The following NPAS3 variants were observed in gnomAD, a reference collection of about 807,000 sequenced individuals.
The protein encoded by NPAS3 is neuronal PAS domain protein 3.
A neutral mutation model predicts 73.1 loss-of-function variants in NPAS3; 14 were observed. That is an observed-to-expected ratio of 0.19 (90% confidence interval 0.13 to 0.30). NPAS3 has a LOEUF of 0.30. NPAS3 is among the 10% of genes least tolerant of loss of function. NPAS3 has a pLI of 1.00. For synonymous variants in NPAS3, 620 were observed against 541.5 expected, an observed-to-expected ratio of 1.14 and a Z score of -2.01; for missense variants, 1,096 against 1,250.0, an observed-to-expected ratio of 0.88 and a Z score of 1.86.
At chr14:33,453,612 A>G (rs899655347) in intron 4 of NPAS3, among the ~76,000 whole-genome samples, 2 of 152,202 alleles carry the variant, frequency 1.3e-5, no homozygotes, top group African/African-American at 4.8e-5. Context: ...TCAGCAACAT[A>G]AAAAAGAAAA....
chr14:33,436,826 A>C (rs2139212327), intron 4 of NPAS3, among the ~76,000 whole-genome samples: 1 of 152,338 alleles, frequency 6.6e-6, no homozygotes, highest in East Asian at 1.9e-4. Context: ...ACTAACTTGC[A>C]ACTAGTTAGA....
intron 2 of NPAS3, among the ~76,000 whole-genome samples, chr14:33,109,741 T>C (rs189666518): frequency 6.6e-6 from 1 of 152,014 alleles, no homozygotes; most frequent in East Asian, 1.9e-4. Flanking sequence ...TTAGCAATAC[T>C]GTTTATGTTT....
intron 5 of NPAS3, chr14:33,611,230 CAT>C (rs2057738680): frequency 6.6e-6 from 1 of 151,972 alleles, no homozygotes; most frequent in Admixed American, 6.6e-5. Context: ...TGAAATAGCA[CAT>C]GTTAATAGGT....
intron 4 of NPAS3, among the ~76,000 whole-genome samples, chr14:33,522,353 G>A (rs1178974087): frequency 1.3e-5 from 2 of 151,772 alleles, no homozygotes; most frequent in African/African-American, 4.8e-5. Flanking sequence ...TATATTATTT[G>A]AAGTGCCACC....
chr14:33,322,483 A>G (rs2043496270), intron 3 of NPAS3, among the ~76,000 whole-genome samples: 1 of 144,416 alleles, frequency 6.9e-6, no homozygotes, highest in South Asian at 2.1e-4. Flanking sequence ...CTGTGTATAT[A>G]TGTGTGTTAC....
intron 3 of NPAS3, among the ~76,000 whole-genome samples, chr14:33,270,239 G>A (rs1444095981): frequency 6.6e-6 from 1 of 152,120 alleles, no homozygotes; most frequent in East Asian, 1.9e-4. Flanking sequence ...TAATGCTTGA[G>A]AGAAGGATAC....
chr14:33,417,760 A>G (rs1007521496), intron 4 of NPAS3, among the ~76,000 whole-genome samples: 4 of 150,048 alleles, frequency 2.7e-5, no homozygotes, highest in African/African-American at 9.9e-5. Flanking sequence ...TGCCTTTCTG[A>G]AAAAAAAACA....
intron 5 of NPAS3, among the ~76,000 whole-genome samples, chr14:33,589,907 G>A (rs550201574): frequency 3.3e-5 from 5 of 152,266 alleles, no homozygotes; most frequent in African/African-American, 1.2e-4. Context: ...GAAGCAAGGA[G>A]CACTTTTCAT....
chr14:33,719,596 C>T (rs951323747), intron 6 of NPAS3, among the ~76,000 whole-genome samples: 2 of 152,112 alleles, frequency 1.3e-5, no homozygotes, highest in African/African-American at 2.4e-5. Context: ...AATATATCCA[C>T]ACATTTAAAG....
intron 1 of NPAS3, among the ~76,000 whole-genome samples, chr14:32,967,557 A>T (rs1242669908): frequency 6.6e-6 from 1 of 152,252 alleles, no homozygotes; most frequent in African/African-American, 2.4e-5. Context: ...AAAAGAAGAC[A>T]TACAAATGGC....
intron 9 of NPAS3, among the ~76,000 whole-genome samples, chr14:33,784,736 TATTTATTTA>T (rs1478489211): frequency 1.9e-5 from 2 of 104,984 alleles, no homozygotes; most frequent in Admixed American, 8.9e-5. Context: ...TTTATTTATT[TATTTATTTA>T]TTTTTTTTTT....
At chr14:33,779,306 G>T (rs758633195) in intron 9 of NPAS3, among the ~76,000 whole-genome samples, 1 of 152,178 alleles carries the variant, frequency 6.6e-6, no homozygotes, top group South Asian at 2.1e-4. Context: ...GCAGGACCCC[G>T]CATCCAACCG....
exon 3 of NPAS3, chr14:33,215,192 T>C: frequency 6.2e-7 from 1 of 1,613,804 alleles, no homozygotes; most frequent in Non-Finnish European, 8.5e-7. Context: ...TTTACAAGCA[T>C]TGAGAAAGGA....
rs907363102 is a variant in NPAS3, at chr14:33,005,598, A to G, written c.51-50307A>G. Among the ~76,000 whole-genome samples, 6 of 152,078 alleles carry G rather than the reference A, an allele frequency of 3.9e-5. 1 individual carries two copies. Among genetic ancestry groups the G allele is most frequent in the Admixed American group, 1.3e-4 (2 of 15,274 alleles). On this transcript the variant is annotated intron_variant, in intron 1 of 11. Coordinates refer to ENST00000356141, the Ensembl canonical transcript of NPAS3. ...ATCCTTCTAGAGGAAACTCACTCTG[A>G]AATAATCTGTGCTGGAAAATAGAGG... is the stretch of plus-strand genomic sequence containing the variant.
At chr14:33,014,369 G>C (rs907522155) in intron 1 of NPAS3, among the ~76,000 whole-genome samples, 3 of 151,984 alleles carry the variant, frequency 2.0e-5, no homozygotes, top group African/African-American at 7.2e-5. Flanking sequence ...TTTGTTTTTT[G>C]TTCCTGCTAA....
At chr14:33,772,948 C>T (rs533372564) in intron 7 of NPAS3, among the ~76,000 whole-genome samples, 9 of 152,204 alleles carry the variant, frequency 5.9e-5, no homozygotes, top group South Asian at 2.1e-4. Flanking sequence ...CAGCTGTGGG[C>T]GCCGACGTGA....
chr14:33,096,817 C>T (rs544411095), intron 2 of NPAS3, among the ~76,000 whole-genome samples: 4 of 152,266 alleles, frequency 2.6e-5, no homozygotes, highest in East Asian at 1.9e-4. Flanking sequence ...ATCTCCTCAG[C>T]GGCTTCTCTA....
chr14:33,095,293 C>T (rs933064223), intron 2 of NPAS3, among the ~76,000 whole-genome samples: 1 of 152,204 alleles, frequency 6.6e-6, no homozygotes, highest in Non-Finnish European at 1.5e-5. Flanking sequence ...ATTCCCTAAG[C>T]TGCTGGCAGG....
chr14:33,401,875 A>C (rs890565413), intron 4 of NPAS3, among the ~76,000 whole-genome samples: 1 of 152,024 alleles, frequency 6.6e-6, no homozygotes, highest in Non-Finnish European at 1.5e-5. Flanking sequence ...CATTCTTCCT[A>C]GCAGTGCAGC....
Sources: allele counts gnomAD v4.1 joint callset (sites outside exome capture counted in the v4.1 genomes callset), GRCh38; gene constraint gnomAD v4.1.1; transcripts MANE v1.5; gene names NCBI Gene and HGNC (gene_info 2026-07-23, HGNC 2026-07-21).